Variants in DNAJC18 observed in about 807,000 individuals in gnomAD.
DNAJC18 encodes dnaJ homolog subfamily C member 18.
In DNAJC18, 40 loss-of-function variants were observed where a neutral mutation model predicts 48.6. The ratio of observed to expected loss-of-function variants is 0.82; its 90% CI spans 0.64 to 1.07. The LOEUF is 1.07. Among genes scored for constraint, DNAJC18 ranks in the 50% least tolerant of loss-of-function variants. The pLI is 0.00. For missense variants in DNAJC18, 340 were observed against 427.7 expected (o/e 0.79, Z 1.81); for synonymous variants, 135 against 152.2 (o/e 0.89, Z 0.83).
At position 139,439,148 on chromosome 5, in the gene DNAJC18, C is replaced by T. The variant is rs1281831974; in HGVS notation, c.40+258G>A. Among the ~76,000 whole-genome samples, 1 of 149,094 alleles carries T rather than the reference C, an allele frequency of 6.7e-6. No homozygotes were observed. The highest frequency in any genetic ancestry group is 1.5e-5 in the Non-Finnish European group (1 of 67,308). On this transcript the variant is annotated intron_variant, in intron 1 of 7. Coordinates refer to ENST00000302060, the MANE Select transcript of DNAJC18 (RefSeq NM_152686.4). This position sits in a 1 kb window ranked among gnomAD's most constrained non-coding sequence, Gnocchi z 4.1. ...CCTTGGCATGGGCGGGGCCTGACAG[C>T]TGCGGGCCCTGGGCGGGGCACGGGC...
intron 4 of DNAJC18, 115 bp from the exon 5 acceptor site, chr5:139,425,229 T>C: frequency 8.2e-6 from 6 of 731,944 alleles, no homozygotes; most frequent in Non-Finnish European, 4.4e-6. Flanking sequence ...AATGGGGTGA[T>C]CTCGGCTCAC....
intron 3 of DNAJC18, among the ~76,000 whole-genome samples, chr5:139,427,312 G>C (rs967866476): frequency 9.9e-5 from 15 of 151,980 alleles, no homozygotes; most frequent in African/African-American, 3.6e-4. Context: ...ATGTACAGAC[G>C]TGCAAACCTT....
intron 6 of DNAJC18, 127 bp from the exon 7 acceptor site, chr5:139,420,352 T>A: frequency 1.1e-6 from 1 of 901,368 alleles, no homozygotes; most frequent in South Asian, 1.9e-5. Flanking sequence ...TTTTCTAATA[T>A]ACCCAACACT....
Position 139,439,502 on chromosome 5 carries a change from A to G in DNAJC18, c.-57T>C. On this transcript the variant is annotated 5_prime_UTR_variant, in exon 1 of 8. Coordinates refer to ENST00000302060, the MANE Select transcript of DNAJC18 (RefSeq NM_152686.4). This position sits in a 1 kb window ranked among gnomAD's most constrained non-coding sequence, Gnocchi z 4.1. ...TCCCCCGTGCCCGAGGCTGAAAGAG[A>G]AGGGGGCGCGGAGCGCGGGGCACGC... 1 of 1,613,352 alleles carries G rather than the reference A, an allele frequency of 6.2e-7. No homozygotes were observed. The highest frequency in any genetic ancestry group is 8.5e-7 in the Non-Finnish European group (1 of 1,179,816).
chr5:139,437,727 A>G (rs1194827264), intron 1 of DNAJC18, among the ~76,000 whole-genome samples, 169 bp from the exon 2 acceptor site: 1 of 152,070 alleles, frequency 6.6e-6, no homozygotes, highest in Non-Finnish European at 1.5e-5. Flanking sequence ...CTGAATAAAC[A>G]TGTTTCTCTG....
rs34748727 is a variant in DNAJC18, at chr5:139,434,748, T to TTGTG, written c.227+2620_227+2623dup. Among the ~76,000 whole-genome samples the TTGTG allele has an allele frequency of 4.2e-3, 636 of 150,502 alleles. 3 individuals are homozygous for TTGTG. Among genetic ancestry groups the TTGTG allele is most frequent in the Middle Eastern group, 0.027 (8 of 292 alleles). On this transcript the variant is annotated intron_variant, in intron 2 of 7. Transcript: ENST00000302060. ...ACTTGTTTATTAGTTCTAACAGTAT[T>TTGTG]TGTGTGTGTGTGTGTGTGTGTATTC...
At chr5:139,433,317 G>A (rs537980054) in intron 2 of DNAJC18, among the ~76,000 whole-genome samples, 33 of 152,000 alleles carry the variant, frequency 2.2e-4, no homozygotes, top group Non-Finnish European at 4.1e-4. Flanking sequence ...GATGGTGGGC[G>A]CCTGTAATCC....
Position 139,416,939 on chromosome 5 carries a change from A to G in DNAJC18, c.953-2667T>C, listed in dbSNP as rs146766936. Among the ~76,000 whole-genome samples, 355 of 152,360 alleles carry G rather than the reference A, an allele frequency of 2.3e-3. 3 individuals are homozygous for G. Among genetic ancestry groups the G allele is most frequent in the African/African-American group, 8.2e-3 (340 of 41,586 alleles). On this transcript the variant is annotated intron_variant, in intron 7 of 7. Coordinates refer to ENST00000302060, the MANE Select transcript of DNAJC18 (RefSeq NM_152686.4). ...TGTGGTGGCTCACGCCTGTAATCCC[A>G]GCACTTCGGAGGCCGAGGTGGGCGG...
intron 2 of DNAJC18, among the ~76,000 whole-genome samples, chr5:139,436,437 G>C (rs1258111089): frequency 6.7e-6 from 1 of 149,726 alleles, no homozygotes; most frequent in Non-Finnish European, 1.5e-5. Flanking sequence ...CTAGGCATTT[G>C]CTGATTTTAT....
chr5:139,422,697 AC>A lies in DNAJC18; in HGVS notation c.779+10del. The A allele has an allele frequency of 6.4e-7, 1 of 1,574,280 alleles. No homozygotes were observed. The highest frequency in any genetic ancestry group is 8.7e-7 in the Non-Finnish European group (1 of 1,152,544). ...CTGTTACTGAGAAAGATTTAGAAAT[AC>A]CAGACTTACGATTTATAGAACAGAC... On this transcript the variant is annotated intron_variant, in intron 6 of 7. Coordinates refer to ENST00000302060, the MANE Select transcript of DNAJC18 (RefSeq NM_152686.4).
intron 4 of DNAJC18, 134 bp from the exon 5 acceptor site, chr5:139,425,248 CTG>C: frequency 1.7e-6 from 1 of 575,958 alleles, no homozygotes; most frequent in Non-Finnish European, 2.9e-6. Context: ...ACTGCAACCT[CTG>C]CTTCCTGGGT....
At chr5:139,421,303 G>A (rs1382311942) in intron 6 of DNAJC18, among the ~76,000 whole-genome samples, 1 of 152,036 alleles carries the variant, frequency 6.6e-6, no homozygotes, top group Non-Finnish European at 1.5e-5. Context: ...ACAAAAATTA[G>A]CCAGGTGTGG....
At chr5:139,433,734 CAT>C (rs1414419791) in intron 2 of DNAJC18, among the ~76,000 whole-genome samples, 5 of 152,034 alleles carry the variant, frequency 3.3e-5, no homozygotes, top group Non-Finnish European at 7.4e-5. Context: ...TGTTTGTGAG[CAT>C]ATGTTTTGAT....
chr5:139,435,308 G>A (rs1313241274), intron 2 of DNAJC18, among the ~76,000 whole-genome samples: 2 of 152,064 alleles, frequency 1.3e-5, no homozygotes, highest in Admixed American at 6.6e-5. Context: ...AGCCGAGATC[G>A]TGGCATTGCA....
intron 2 of DNAJC18, among the ~76,000 whole-genome samples, chr5:139,434,074 A>G (rs1229680872): frequency 2.6e-5 from 4 of 151,956 alleles, no homozygotes; most frequent in African/African-American, 9.7e-5. Flanking sequence ...TATTTTTAGT[A>G]GAGACGGAGT....
At position 139,422,737 on chromosome 5, in the gene DNAJC18, A is replaced by G. The variant is rs754647770; in HGVS notation, c.750T>C (p.Thr250=). The change falls in exon 6 of 8, where the codon ACT becomes ACC. Residue 250 remains threonine, a synonymous_variant. Coordinates refer to ENST00000302060, the MANE Select transcript of DNAJC18 (RefSeq NM_152686.4). ...IISVITQLLA[T]NPPYSLFYKS... The stretch of plus-strand genomic sequence containing the variant: ...TATAGAACAGACTATATGGGGGATT[A>G]GTAGCCAGCAGCTGAGTAATGACAG... 2 of 1,609,726 alleles carry G rather than the reference A, an allele frequency of 1.2e-6. No individual in the cohort carries two copies. Among genetic ancestry groups the G allele is most frequent in the Admixed American group, 1.7e-5 (1 of 59,180 alleles).
At chr5:139,414,912 GAGA>G (rs1264891846) in intron 7 of DNAJC18, among the ~76,000 whole-genome samples, 1 of 152,198 alleles carries the variant, frequency 6.6e-6, no homozygotes, top group Non-Finnish European at 1.5e-5. Context: ...CTTTATGGTG[GAGA>G]AGGTCATTCT....
chr5:139,424,715 CT>C, intron 5 of DNAJC18, among the ~76,000 whole-genome samples: 1 of 63,186 alleles, frequency 1.6e-5, no homozygotes, highest in Non-Finnish European at 2.5e-5. Flanking sequence ...GAGACCCTCT[CT>C]CAAAAAAAAA....
intron 2 of DNAJC18, 68 bp from the exon 3 acceptor site, chr5:139,428,751 A>G: frequency 6.6e-7 from 1 of 1,517,798 alleles, no homozygotes; most frequent in African/African-American, 1.4e-5. Flanking sequence ...AAGATAATAC[A>G]TCGATCCTAC....
Sources: gnomAD v4.1 joint callset for allele counts (sites outside exome capture counted in the v4.1 genomes callset) on GRCh38, gnomAD v4.1.1 for gene constraint, Gnocchi (gnomAD v3.1) non-coding constraint, MANE v1.5 for transcripts, NCBI Gene and HGNC (gene_info 2026-07-23, HGNC 2026-07-21) for gene names.